GRID2: variants seen among roughly 807,000 people sequenced by gnomAD.
GRID2 encodes the protein glutamate receptor ionotropic, delta-2.
GRID2 carries 33 observed loss-of-function variants against 114.8 expected under a neutral mutation model. The observed-to-expected ratio is 0.29, with a 90% CI of 0.22 to 0.38. GRID2 has a LOEUF of 0.38. Among genes scored for constraint, GRID2 ranks in the 10% least tolerant of loss-of-function variants. The pLI, the probability that GRID2 is intolerant of heterozygous loss-of-function variation, is 1.00. For missense variants in GRID2, 1,184 were observed against 1,257.7 expected (o/e 0.94, Z 0.89); for synonymous variants, 505 against 449.9 (o/e 1.12, Z -1.55).
At chr4:92,412,525 C>T (rs1308375111) in intron 1 of GRID2, among the ~76,000 whole-genome samples, 2 of 151,930 alleles carry the variant, frequency 1.3e-5, no homozygotes, top group Non-Finnish European at 2.9e-5. Flanking sequence ...TCTTCTTTAA[C>T]CTCTAAGGTT....
chr4:93,160,229 A>G (rs1737564365), intron 4 of GRID2, among the ~76,000 whole-genome samples: 1 of 151,846 alleles, frequency 6.6e-6, no homozygotes, highest in Admixed American at 6.6e-5. Context: ...TGTGAAACAC[A>G]GGTCATGATT....
intron 14 of GRID2, among the ~76,000 whole-genome samples, chr4:93,725,640 C>T (rs1578667444): frequency 6.7e-6 from 1 of 149,176 alleles, no homozygotes; most frequent in East Asian, 1.9e-4. Context: ...TCCTCTCCAG[C>T]ACCTTTGTTC....
At chr4:92,379,767 C>T (rs1476675359) in intron 1 of GRID2, among the ~76,000 whole-genome samples, 2 of 151,946 alleles carry the variant, frequency 1.3e-5, no homozygotes, top group East Asian at 1.9e-4. Context: ...CCATTGAAAA[C>T]TGATCATTGC....
chr4:93,494,813 T>A (rs1727373589), intron 12 of GRID2, among the ~76,000 whole-genome samples: 1 of 151,588 alleles, frequency 6.6e-6, no homozygotes, highest in Admixed American at 6.6e-5. Flanking sequence ...ATTGGAATGA[T>A]TTTTTTTCTC....
chr4:92,654,466 G>T (rs1732126573), intron 2 of GRID2, among the ~76,000 whole-genome samples: 1 of 152,018 alleles, frequency 6.6e-6, no homozygotes, highest in Non-Finnish European at 1.5e-5. Context: ...CTCATGAGTG[G>T]CATTATAAAA....
At chr4:92,470,679 C>T (rs1417807446) in intron 1 of GRID2, among the ~76,000 whole-genome samples, 1 of 151,856 alleles carries the variant, frequency 6.6e-6, no homozygotes, top group East Asian at 1.9e-4. Flanking sequence ...GAGCTCTAAG[C>T]AAGAACTGAC....
intron 1 of GRID2, among the ~76,000 whole-genome samples, chr4:92,533,327 A>C (rs982262840): frequency 9.9e-5 from 15 of 151,970 alleles, no homozygotes; most frequent in Non-Finnish European, 1.5e-5. Flanking sequence ...AAACTATAAA[A>C]GCTTTCATCT....
At chr4:92,408,431 C>CTTTTTTTTTTTTT (rs35638036) in intron 1 of GRID2, among the ~76,000 whole-genome samples, 3 of 19,392 alleles carry the variant, frequency 1.5e-4, no homozygotes, top group Admixed American at 7.2e-4. Context: ...TATTCAAGCT[C>CTTTTTTTTTTTTT]TTTTTTTTTT....
chr4:92,901,146 C>T (rs1468336163), intron 2 of GRID2, among the ~76,000 whole-genome samples: 1 of 152,114 alleles, frequency 6.6e-6, no homozygotes, highest in Non-Finnish European at 1.5e-5. Context: ...TTTGATAAAT[C>T]TCCATACTGT....
At chr4:93,433,644 T>C (rs554239394) in intron 10 of GRID2, among the ~76,000 whole-genome samples, 1 of 152,314 alleles carries the variant, frequency 6.6e-6, no homozygotes, top group South Asian at 2.1e-4. Context: ...TCCTATTGTC[T>C]AGGATCCCGC....
At chr4:93,072,308 A>G (rs572841488) in intron 2 of GRID2, among the ~76,000 whole-genome samples, 1 of 152,334 alleles carries the variant, frequency 6.6e-6, no homozygotes, top group African/African-American at 2.4e-5. Flanking sequence ...ATAATCTAGG[A>G]GTAAGAGGTT....
At chr4:92,988,531 A>G (rs1419622995) in intron 2 of GRID2, among the ~76,000 whole-genome samples, 1 of 152,206 alleles carries the variant, frequency 6.6e-6, no homozygotes, top group Admixed American at 6.5e-5. Flanking sequence ...CACTAGATCC[A>G]GATCTCACTT....
chr4:93,693,817 A>G (rs1468732759), intron 14 of GRID2, among the ~76,000 whole-genome samples: 1 of 152,200 alleles, frequency 6.6e-6, no homozygotes, highest in Non-Finnish European at 1.5e-5. Context: ...GAAAAAATAT[A>G]TATTATGGAA....
chr4:93,633,458 T>C (rs1425274479), intron 14 of GRID2, among the ~76,000 whole-genome samples: 3 of 152,116 alleles, frequency 2.0e-5, no homozygotes, highest in African/African-American at 7.2e-5. Flanking sequence ...TTCACACGTG[T>C]GTTTGTACAT....
chr4:93,113,459 G>A (rs1452607786), intron 4 of GRID2, among the ~76,000 whole-genome samples: 1 of 152,132 alleles, frequency 6.6e-6, no homozygotes, highest in Non-Finnish European at 1.5e-5. Context: ...CTGGAGACCA[G>A]GAAAAAGATC....
At chr4:92,942,417 G>A (rs1410386006) in intron 2 of GRID2, among the ~76,000 whole-genome samples, 1 of 152,002 alleles carries the variant, frequency 6.6e-6, no homozygotes, top group East Asian at 1.9e-4. Flanking sequence ...TTTTCCATTT[G>A]CTTGGCAGAT....
intron 11 of GRID2, among the ~76,000 whole-genome samples, chr4:93,459,180 CAAAAAAAAAAAAAAAAA>C (rs57937928): frequency 2.0e-5 from 1 of 50,030 alleles, no homozygotes; most frequent in Non-Finnish European, 3.5e-5. Context: ...AACTCCATCT[CAAAAAAAAAAAAAAAAA>C]AAAAAAAAAA....
At chr4:93,445,189 C>T (rs1260628088) in intron 10 of GRID2, among the ~76,000 whole-genome samples, 3 of 152,120 alleles carry the variant, frequency 2.0e-5, no homozygotes, top group African/African-American at 7.2e-5. Context: ...TGTGTTCAAG[C>T]AGCCCTCTAA....
At chr4:92,646,310 T>C (rs1203004490) in intron 2 of GRID2, among the ~76,000 whole-genome samples, 1 of 152,218 alleles carries the variant, frequency 6.6e-6, no homozygotes, top group Non-Finnish European at 1.5e-5. Flanking sequence ...TTGTAATAAT[T>C]TGTGGGTATT....
Sources: gnomAD v4.1 joint callset for allele counts (sites outside exome capture counted in the v4.1 genomes callset) on GRCh38, gnomAD v4.1.1 for gene constraint, MANE v1.5 for transcripts, NCBI Gene and HGNC (gene_info 2026-07-23, HGNC 2026-07-21) for gene names.